CLASP2: variants seen among roughly 807,000 people sequenced by gnomAD.
The protein encoded by CLASP2 is CLIP-associating protein 2.
In CLASP2, 47 loss-of-function variants were observed where a neutral mutation model predicts 194.4. The ratio of observed to expected loss-of-function variants is 0.24; its 90% confidence interval spans 0.19 to 0.31. The LOEUF (loss-of-function observed/expected upper bound fraction) is 0.31. Among genes scored for constraint, CLASP2 ranks in the 10% least tolerant of loss-of-function variants. The pLI is 1.00. For synonymous variants in CLASP2, 619 were observed against 633.5 expected (o/e 0.98, Z 0.34); for missense variants, 1,445 against 1,823.6 (o/e 0.79, Z 3.78).
At position 33,603,060 on chromosome 3, in the gene CLASP2, C is replaced by T. The variant is rs2072730710; in HGVS notation, c.1816G>A (p.Asp606Asn). The change falls in exon 18 of 39, where the codon GAT (aspartate) becomes AAT (asparagine). Residue 606 changes from aspartate (D) to asparagine (N), a missense_variant. Around this residue, in one of 4 missense-constraint regions of CLASP2, gnomAD observed 174 missense variants for 179.0 expected, o/e 0.97. Transcript: ENST00000682230. Reference protein sequence around the residue: ...GSLQRSRSDIDVNAAAGAKAH... With the variant: ...GSLQRSRSDINVNAAAGAKAH... ...TTGGCACCTGCAGCAGCATTCACAT[C>T]AATGTCACTTCGTGAACGCTGCAGG... is the stretch of plus-strand genomic sequence containing the variant. The T allele has an allele frequency of 6.2e-7, 1 of 1,601,346 alleles. No homozygotes were observed. Among genetic ancestry groups the T allele is most frequent in the Non-Finnish European group, 8.5e-7 (1 of 1,173,710 alleles).
intron 33 of CLASP2, among the ~76,000 whole-genome samples, chr3:33,538,339 C>T (rs770923972): frequency 1.3e-5 from 2 of 152,200 alleles, no homozygotes; most frequent in Admixed American, 6.5e-5. Flanking sequence ...AATGCAAATG[C>T]TACCTTTGGA....
intron 34 of CLASP2, among the ~76,000 whole-genome samples, chr3:33,518,501 A>G (rs2052064770): frequency 6.6e-6 from 1 of 152,208 alleles, no homozygotes; most frequent in Non-Finnish European, 1.5e-5. Flanking sequence ...CTGGAATGAA[A>G]CAACCACAGA....
chr3:33,703,932 T>C (rs1037079349), intron 1 of CLASP2, among the ~76,000 whole-genome samples: 1 of 152,220 alleles, frequency 6.6e-6, no homozygotes, highest in Non-Finnish European at 1.5e-5. Context: ...TATCAAGGCA[T>C]GAATAAGACA....
chr3:33,677,799 T>G (rs1444327506), intron 6 of CLASP2, among the ~76,000 whole-genome samples: 1 of 150,624 alleles, frequency 6.6e-6, no homozygotes, highest in Admixed American at 6.6e-5. Context: ...AATAAAAAAT[T>G]TATCTAAAGT....
chr3:33,601,250 G>A (rs948464687), intron 18 of CLASP2, among the ~76,000 whole-genome samples: 4 of 152,114 alleles, frequency 2.6e-5, no homozygotes, highest in East Asian at 3.9e-4. Flanking sequence ...GTGAGCCACC[G>A]TGCCCGGCGA....
chr3:33,603,225 G>A (rs1455873131), intron 17 of CLASP2, 100 bp from the exon 18 acceptor site: 1 of 1,307,522 alleles, frequency 7.6e-7, no homozygotes, highest in Non-Finnish European at 1.0e-6. Flanking sequence ...ATGACAAATG[G>A]TCAACAAAAA....
intron 23 of CLASP2, among the ~76,000 whole-genome samples, chr3:33,579,566 A>G (rs2065579453): frequency 6.6e-6 from 1 of 152,198 alleles, no homozygotes; most frequent in South Asian, 2.1e-4. Flanking sequence ...GTAAGTGATT[A>G]GAGTTTCAGG....
chr3:33,652,799 C>T (rs191077483), intron 7 of CLASP2, among the ~76,000 whole-genome samples: 2 of 152,162 alleles, frequency 1.3e-5, no homozygotes, highest in Non-Finnish European at 2.9e-5. Context: ...CCTCCCCAAT[C>T]CCAGTAAATA....
Position 33,510,673 on chromosome 3 carries a change from G to C in CLASP2, c.4202C>G (p.Thr1401Ser), listed in dbSNP as rs776118648. 1 of 1,613,810 alleles carries C rather than the reference G, an allele frequency of 6.2e-7. No homozygotes were observed. The highest frequency in any genetic ancestry group is 1.1e-5 in the South Asian group (1 of 91,056). ...CIKVLCPIIQ[T>S]ADYPINLAAI... ...AGCCAGATTAATTGGGTAGTCTGCA[G>C]TTTGAATGATAGGACAAAGCACTTT... Residue 1401 changes from threonine (T) to serine (S), a missense_variant, in exon 37 of 39, where the codon ACT (threonine) becomes AGT (serine). Coordinates refer to ENST00000682230, the MANE Select transcript of CLASP2 (RefSeq NM_001365631.1).
At chr3:33,504,070 T>C (rs553977264) in intron 37 of CLASP2, 1 of 152,362 alleles carries the variant, frequency 6.6e-6, no homozygotes, top group Admixed American at 6.5e-5. Flanking sequence ...ATACTCTGGA[T>C]AGTAGACCAT....
intron 7 of CLASP2, among the ~76,000 whole-genome samples, chr3:33,661,263 C>A (rs2085260162): frequency 6.6e-6 from 1 of 152,150 alleles, no homozygotes; most frequent in African/African-American, 2.4e-5. Flanking sequence ...CTATCTCCAT[C>A]ACTAGATTAT....
chr3:33,647,031 TA>T (rs2082387056), intron 7 of CLASP2, among the ~76,000 whole-genome samples: 1 of 152,210 alleles, frequency 6.6e-6, no homozygotes, highest in Non-Finnish European at 1.5e-5. Context: ...GATAGTTTTC[TA>T]CTGTGTGAAA....
rs555468689 is a variant in CLASP2, at chr3:33,604,778, G to T, written c.1695-569C>A. Among the ~76,000 whole-genome samples, 229 of 152,238 alleles carry T rather than the reference G, an allele frequency of 1.5e-3. 1 individual carries two copies. Among genetic ancestry groups the T allele is most frequent in the African/African-American group, 5.4e-3 (226 of 41,526 alleles). On this transcript the variant is annotated intron_variant, in intron 16 of 38. Transcript: ENST00000682230. The stretch of plus-strand genomic sequence containing the variant: ...CAGAGACAGGGATCAGGTTGCCTTT[G>T]TTCACTCTGCTCCTCAACACACATC...
chr3:33,643,323 T>G (rs2081662439), intron 8 of CLASP2, among the ~76,000 whole-genome samples: 1 of 151,890 alleles, frequency 6.6e-6, no homozygotes, highest in African/African-American at 2.4e-5. Flanking sequence ...ATTAGAATTC[T>G]GTAATTCAAA....
At chr3:33,660,499 C>T (rs560210858) in intron 7 of CLASP2, among the ~76,000 whole-genome samples, 16 of 152,210 alleles carry the variant, frequency 1.1e-4, no homozygotes, top group East Asian at 9.7e-4. Flanking sequence ...ACAACAAATC[C>T]TTTGGTTTCT....
chr3:33,709,425 A>G (rs973138823), intron 1 of CLASP2, among the ~76,000 whole-genome samples: 3 of 152,116 alleles, frequency 2.0e-5, no homozygotes, highest in South Asian at 2.1e-4. Flanking sequence ...AGTTGACTAT[A>G]TATGTGTGGA....
chr3:33,545,771 G>T (rs1214328294), intron 30 of CLASP2, among the ~76,000 whole-genome samples: 1 of 152,124 alleles, frequency 6.6e-6, no homozygotes, highest in Non-Finnish European at 1.5e-5. Flanking sequence ...CTAGCCGGGT[G>T]TGGTGGTGTG....
chr3:33,535,238 G>A lies in CLASP2; in HGVS notation c.3782C>T (p.Pro1261Leu). ...AMFDDDADQF[P>L]DDLSLDHSDL... ...CAGTGTGACCCAGAACATACCGTCA[G>A]GAAACTGGTCAGCATCATCATCAAA... Residue 1261 changes from proline (P) to leucine (L), a missense_variant, in exon 34 of 39, where the codon CCT (proline) becomes CTT (leucine). Coordinates refer to ENST00000682230, the MANE Select transcript of CLASP2 (RefSeq NM_001365631.1). 1 of 1,612,032 alleles carries A rather than the reference G, an allele frequency of 6.2e-7. No individual in the cohort carries two copies. Among genetic ancestry groups the A allele is most frequent in the Non-Finnish European group, 8.5e-7 (1 of 1,178,190 alleles).
chr3:33,695,860 T>C (rs981078564), intron 2 of CLASP2, among the ~76,000 whole-genome samples: 2 of 152,192 alleles, frequency 1.3e-5, no homozygotes, highest in South Asian at 4.1e-4. Context: ...TGCTATATAA[T>C]AGGATCAAAT....
Sources: gnomAD v4.1 joint callset for allele counts (sites outside exome capture counted in the v4.1 genomes callset) on GRCh38, gnomAD v4.1.1 for gene constraint, gnomAD v4.1.1 regional missense constraint, MANE v1.5 for transcripts, NCBI Gene and HGNC (gene_info 2026-07-23, HGNC 2026-07-21) for gene names.